The following PTGES3 variants were observed in gnomAD, a reference collection of about 807,000 sequenced individuals.
PTGES3 encodes the protein Hsp90 co-chaperone.
In PTGES3, 5 loss-of-function variants were observed where a neutral mutation model predicts 29.9. The observed-to-expected ratio is 0.17, with a 90% confidence interval of 0.09 to 0.35. The LOEUF (loss-of-function observed/expected upper bound fraction) is 0.35, where lower values mean the gene tolerates loss of function less well. Among genes scored for constraint, PTGES3 ranks in the 10% least tolerant of loss-of-function variants. PTGES3 has a pLI of 1.00. For synonymous variants in PTGES3, 49 were observed against 57.8 expected (o/e 0.85, Z 0.69); for missense variants, 128 against 190.0 (o/e 0.67, Z 1.92).
In PTGES3 at chr12:56,675,095, T is replaced by A. The variant is rs1400815624; in HGVS notation, c.3-2030A>T. On this transcript the variant is annotated intron_variant, in intron 1 of 7. Transcript: ENST00000262033. ...GGCAGGCGGATCACGAGGTCAGGAG[T>A]TCGAGACCAGCCTGGCCAATATAGT... 4.1e-5 allele frequency among the ~76,000 whole-genome samples: 6 copies of A among 146,908 alleles called. No individual in the cohort carries two copies. In the Admixed American group the frequency reaches 4.1e-4, roughly 10 times the overall value.
intron 4 of PTGES3, 33 bp downstream of exon 4, chr12:56,671,716 T>C: frequency 2.2e-6 from 3 of 1,338,304 alleles, no homozygotes; most frequent in Non-Finnish European, 3.1e-6. Flanking sequence ...AATAAAAATA[T>C]CAAACTTTTC....
Position 56,666,350 on chromosome 12 carries a change from T to G in PTGES3, c.376-84A>C, listed in dbSNP as rs933265819. The G allele has an allele frequency of 8.7e-6, 13 of 1,495,686 alleles. No individual in the cohort carries two copies. In the African/African-American group the frequency reaches 1.1e-4, roughly 13 times the overall value. 92.7% of individuals were successfully genotyped at this position (1,495,686 alleles called of 1,614,324 possible). A position where few individuals can be genotyped will look rare whatever the true frequency, so the allele number is the denominator to read the frequency against. On this transcript the variant is annotated intron_variant, in intron 5 of 7. Transcript: ENST00000262033. ...ATGCTGTATGCTTCAGAATAAACCT[T>G]AAGTCTGCCACAGATATCAAAAAAT...
At chr12:56,665,452 G>A in intron 6 of PTGES3, 11 of 907,040 alleles carry the variant, frequency 1.2e-5, no homozygotes, top group Non-Finnish European at 1.4e-5. Flanking sequence ...CCGCCACCAT[G>A]CCCGGCTAAT....
chr12:56,673,848 A>G lies in PTGES3; in HGVS notation c.3-783T>C, dbSNP rs1952108992. On this transcript the variant is annotated intron_variant, in intron 1 of 7. Coordinates refer to ENST00000262033, the MANE Select transcript of PTGES3 (RefSeq NM_006601.7). ...CATGGTGATGCAGGCCTGTAGTCCC[A>G]GATACTTGAGGGATGGGACTGAGGC... Among the ~76,000 whole-genome samples the G allele has an allele frequency of 2.0e-5, 3 of 151,460 alleles. No individual in the cohort carries two copies. The South Asian group carries it at 6.2e-4, about 32-fold the overall frequency.
chr12:56,673,485 G>A (rs12371379), intron 1 of PTGES3, among the ~76,000 whole-genome samples: 43,473 of 62,614 alleles, frequency 0.69, 13,534 homozygotes, highest in South Asian at 0.79. Context: ...TACAAATACG[G>A]AAAAAAAAAA....
chr12:56,687,279 T>C (rs1952920230), intron 1 of PTGES3: 3 of 995,748 alleles, frequency 3.0e-6, no homozygotes, highest in Non-Finnish European at 3.6e-6. Flanking sequence ...ACAGAAAATG[T>C]CCGTATCTTT....
chr12:56,674,331 C>T (rs998980312), intron 1 of PTGES3, among the ~76,000 whole-genome samples: 2 of 152,168 alleles, frequency 1.3e-5, no homozygotes, highest in African/African-American at 2.4e-5. Context: ...GGATTTTCAG[C>T]CTCGTGGAAA....
rs559252146 is a variant in PTGES3 at position 56,687,094 on chromosome 12, G to A, written c.2+904C>T. On this transcript the variant is annotated intron_variant, in intron 1 of 7. Coordinates refer to ENST00000262033, the MANE Select transcript of PTGES3 (RefSeq NM_006601.7). ...CCAAGAATTCTTACCGGTTAAAATC[G>A]CCAAGGCTTTCCTTTATCATCGTAA... 4.1e-5 allele frequency among the ~76,000 whole-genome samples: 6 copies of A among 148,088 alleles called. No individual in the cohort carries two copies. In the East Asian group the frequency reaches 1.0e-3, roughly 25 times the overall value.
chr12:56,664,842 C>T (rs769939457), intron 6 of PTGES3, 42 bp from the exon 7 acceptor site: 18 of 1,589,882 alleles, frequency 1.1e-5, no homozygotes, highest in South Asian at 2.3e-5. Context: ...ATCAAATATT[C>T]GTTTGCTAAC....
chr12:56,687,002 C>A, intron 1 of PTGES3: 1 of 249,878 alleles, frequency 4.0e-6, no homozygotes, highest in South Asian at 1.9e-4. Flanking sequence ...AATAACCTCC[C>A]GTCAAAAAAA....
At chr12:56,676,962 G>T (rs1952283045) in intron 1 of PTGES3, among the ~76,000 whole-genome samples, 1 of 141,098 alleles carries the variant, frequency 7.1e-6, no homozygotes, top group African/African-American at 2.6e-5. Context: ...CTGGCTAAGT[G>T]CGGTGGCTTA....
At chr12:56,675,882 C>A (rs1952216206) in intron 1 of PTGES3, among the ~76,000 whole-genome samples, 1 of 152,002 alleles carries the variant, frequency 6.6e-6, no homozygotes, top group Non-Finnish European at 1.5e-5. Context: ...CAGACCACGC[C>A]ATTGCACTCC....
chr12:56,666,269 A>G lies in PTGES3; in HGVS notation c.376-3T>C, dbSNP rs753757459. 7 of 1,601,560 alleles carry G rather than the reference A, an allele frequency of 4.4e-6. No individual in the cohort carries two copies. On this transcript the variant is annotated splice_polypyrimidine_tract_variant and splice_region_variant and intron_variant, in intron 5 of 7. Transcript: ENST00000262033. ...TCACCACCCATGTTGTTCATCATCTATTTGAAGTGTAAAAATTAGTTTTAA... is the reference window on the plus strand; with the variant it reads ...TCACCACCCATGTTGTTCATCATCTGTTTGAAGTGTAAAAATTAGTTTTAA...
intron 1 of PTGES3, among the ~76,000 whole-genome samples, chr12:56,673,461 G>A (rs1459118983): frequency 2.8e-4 from 31 of 111,618 alleles, no homozygotes; most frequent in African/African-American, 4.7e-4. Context: ...GCGAAACCCC[G>A]ACTCTACTAC....
At chr12:56,673,609 C>T (rs1169604191) in intron 1 of PTGES3, among the ~76,000 whole-genome samples, 2 of 148,304 alleles carry the variant, frequency 1.3e-5, no homozygotes, top group African/African-American at 2.5e-5. Context: ...GCCTGACCAA[C>T]ATGGTGAAAC....
chr12:56,670,233 C>T (rs957476334), intron 5 of PTGES3, 42 bp downstream of exon 5: 11 of 1,301,864 alleles, frequency 8.4e-6, no homozygotes, highest in Admixed American at 3.4e-5. Flanking sequence ...AGACAGGTAC[C>T]GTGTGCTTCG....
intron 1 of PTGES3, among the ~76,000 whole-genome samples, chr12:56,679,615 T>C (rs1471474655): frequency 1.3e-5 from 2 of 152,098 alleles, no homozygotes; most frequent in African/African-American, 4.8e-5. Context: ...AAATCCAGTA[T>C]AATTAGTTTA....
intron 5 of PTGES3, among the ~76,000 whole-genome samples, chr12:56,668,645 C>A (rs1230328011): frequency 6.6e-6 from 1 of 152,148 alleles, no homozygotes; most frequent in Non-Finnish European, 1.5e-5. Context: ...GAACATCCTC[C>A]CTTCCTGTTG....
rs200932308 is a variant in PTGES3 at position 56,664,107 on chromosome 12, TTC to T, written c.*370_*371del. The T allele has an allele frequency of 9.8e-3, 1,653 of 169,460 alleles. 28 individuals are homozygous for T. The highest frequency in any genetic ancestry group is 0.036 in the African/African-American group (1,499 of 41,788). 10.5% of individuals were successfully genotyped at this position (169,460 alleles called of 1,614,324 possible). ...TCCATGTTCTATAATCTAAAATTTATTCTCTTTCCCTAAGCTGAGAGCTTCCT... is the reference window on the plus strand; with the variant it reads ...TCCATGTTCTATAATCTAAAATTTATTCTTTCCCTAAGCTGAGAGCTTCCT... On this transcript the variant is annotated 3_prime_UTR_variant, in exon 8 of 8. Coordinates refer to ENST00000262033, the MANE Select transcript of PTGES3 (RefSeq NM_006601.7).
Sources: gnomAD v4.1 joint callset for allele counts (sites outside exome capture counted in the v4.1 genomes callset) on GRCh38, gnomAD v4.1.1 for gene constraint, MANE v1.5 for transcripts, NCBI Gene and HGNC (gene_info 2026-07-23, HGNC 2026-07-21) for gene names.